Variants in KIF1A observed in about 807,000 individuals in gnomAD.
KIF1A encodes kinesin-like protein KIF1A.
Under a neutral mutation model 227.3 loss-of-function variants are expected in KIF1A, and 46 were observed. The observed-to-expected ratio is 0.20, with a 90% confidence interval of 0.16 to 0.26. The LOEUF (loss-of-function observed/expected upper bound fraction) is 0.26, where lower values mean the gene tolerates loss of function less well. Ranked by LOEUF, KIF1A falls within the 10% of genes least tolerant of loss-of-function variation. The probability of loss-of-function intolerance (pLI) is 1.00; values close to 1 mark genes in which losing one functional copy is unlikely to be tolerated. For synonymous variants in KIF1A, 1,022 were observed against 1,012.8 expected (o/e 1.01, Z -0.17); for missense variants, 1,683 against 2,485.9 (o/e 0.68, Z 6.87).
chr2:240,798,020 C>A, intron 1 of KIF1A: 1 of 377,164 alleles, frequency 2.7e-6, no homozygotes, highest in Non-Finnish European at 4.8e-6. Context: ...CCCAGCTTCG[C>A]AAGCCTGAGG....
chr2:240,766,749 T>TCTCTCTCTCTCTCACACACA lies in KIF1A; in HGVS notation c.1684+165_1684+166insTGTGTGTGAGAGAGAGAGAG, dbSNP rs1454271542. On this transcript the variant is annotated intron_variant, in intron 19 of 48. Transcript: ENST00000498729. This position sits in a 1 kb window ranked among gnomAD's most constrained non-coding sequence, Gnocchi z 5.0. ...CTCTCTCTCTCTCTCTCTCTCTCTC[T>TCTCTCTCTCTCTCACACACA]CACACACACACACACACACACACAC... 2.8e-5 allele frequency among the ~76,000 whole-genome samples: 3 copies of TCTCTCTCTCTCTCACACACA among 108,974 alleles called. No homozygotes were observed. The highest frequency in any genetic ancestry group is 3.2e-4 in the South Asian group (1 of 3,124). 71.5% of individuals were successfully genotyped at this position (108,974 alleles called of 152,430 possible). A position where few individuals can be genotyped will look rare whatever the true frequency, so the allele number is the denominator to read the frequency against.
At chr2:240,777,000 A>C (rs1313169251) in intron 10 of KIF1A, among the ~76,000 whole-genome samples, 1 of 152,180 alleles carries the variant, frequency 6.6e-6, no homozygotes, top group African/African-American at 2.4e-5. Context: ...TTGGAAACTT[A>C]GTAGGGACTA....
At chr2:240,753,825 C>A (rs1241870850) in intron 27 of KIF1A, among the ~76,000 whole-genome samples, 2 of 152,120 alleles carry the variant, frequency 1.3e-5, no homozygotes, top group African/African-American at 2.4e-5. Flanking sequence ...CAGAGGACGA[C>A]CCTGAGGCAA....
intron 1 of KIF1A, chr2:240,819,067 C>A (rs528353057): frequency 6.6e-6 from 1 of 152,332 alleles, no homozygotes; most frequent in Non-Finnish European, 1.5e-5. Context: ...CTCCCCCTCC[C>A]GCCCCTGCGG....
intron 38 of KIF1A, among the ~76,000 whole-genome samples, chr2:240,727,403 C>A (rs1368113445): frequency 6.6e-6 from 1 of 152,166 alleles, no homozygotes; most frequent in Non-Finnish European, 1.5e-5. Context: ...TGCGCGGGCC[C>A]ACCCCAGCCT....
chr2:240,720,742 C>G, intron 45 of KIF1A, 172 bp downstream of exon 45: 1 of 698,662 alleles, frequency 1.4e-6, no homozygotes. Context: ...CAGGCACCCT[C>G]TGAGAGGGCT....
intron 34 of KIF1A, among the ~76,000 whole-genome samples, chr2:240,741,685 G>A (rs994480682): frequency 2.0e-5 from 3 of 152,218 alleles, no homozygotes; most frequent in Non-Finnish European, 4.4e-5. Flanking sequence ...AGAACCAACA[G>A]GGCAGCCGCA....
rs2055500908 is a variant in KIF1A, at chr2:240,790,307, G to A, written c.107-995C>T. ...GGCCATTCCTGGTCAGGGAGCCCCC[G>A]GAGACCACCACCATCACATCAGCAA... On this transcript the variant is annotated intron_variant, in intron 2 of 48. Coordinates refer to ENST00000498729, the MANE Select transcript of KIF1A (RefSeq NM_001244008.2). This position sits in a 1 kb window ranked among gnomAD's most constrained non-coding sequence, Gnocchi z 5.0. 1.3e-5 allele frequency among the ~76,000 whole-genome samples: 2 copies of A among 152,084 alleles called. No individual in the cohort carries two copies. The highest frequency in any genetic ancestry group is 2.4e-5 in the African/African-American group (1 of 41,426).
At chr2:240,756,756 C>A (rs1195244025) in intron 27 of KIF1A, among the ~76,000 whole-genome samples, 2 of 152,234 alleles carry the variant, frequency 1.3e-5, no homozygotes, top group East Asian at 3.8e-4. Flanking sequence ...AGTTCAGCTC[C>A]TTTCCCCAAA....
In KIF1A at chr2:240,757,637, A is replaced by G. The variant is rs984077154; in HGVS notation, c.2583-43T>C. 5 of 1,532,414 alleles carry G rather than the reference A, an allele frequency of 3.3e-6. No homozygotes were observed. The highest frequency in any genetic ancestry group is 4.4e-6 in the Non-Finnish European group (5 of 1,136,470). 94.9% of individuals were successfully genotyped at this position (1,532,414 alleles called of 1,614,324 possible). On this transcript the variant is annotated intron_variant, in intron 26 of 48. Coordinates refer to ENST00000498729, the MANE Select transcript of KIF1A (RefSeq NM_001244008.2). This position sits in a 1 kb window ranked among gnomAD's most constrained non-coding sequence, Gnocchi z 6.2. ...AGACAGAGAGAAGTTAACACCAGCG[A>G]CTCGCAGGGACGAACAGGGGCCGGG... is the stretch of plus-strand genomic sequence containing the variant.
intron 38 of KIF1A, chr2:240,728,385 G>A (rs1304508413): frequency 7.7e-7 from 1 of 1,300,894 alleles, no homozygotes. Flanking sequence ...AAAGTGAGCT[G>A]TACCTAGTGT....
In KIF1A at chr2:240,769,432, G is replaced by A. The variant is rs556097563; in HGVS notation, c.1421+195C>T. The stretch of plus-strand genomic sequence containing the variant: ...TCAGGCCTCAGGTCTCTCAGGCCTT[G>A]GTGGCTAGCAGCCAGCAGTACACAA... On this transcript the variant is annotated intron_variant, in intron 16 of 48. Coordinates refer to ENST00000498729, the MANE Select transcript of KIF1A (RefSeq NM_001244008.2). Among the ~76,000 whole-genome samples the A allele has an allele frequency of 3.3e-5, 5 of 152,370 alleles. No individual in the cohort carries two copies. In the East Asian group the frequency reaches 5.8e-4, roughly 18 times the overall value.
Position 240,787,232 on chromosome 2 carries a change from G to T in KIF1A, c.429+19C>A. 1 of 1,607,198 alleles carries T rather than the reference G, an allele frequency of 6.2e-7. No individual in the cohort carries two copies. The highest frequency in any genetic ancestry group is 8.5e-7 in the Non-Finnish European group (1 of 1,174,654). ...TCCCAGCCCTGCCCCAGCGGCCAAC[G>T]GCAGGCGGGGAGCCCTACCTCCACG... is the stretch of plus-strand genomic sequence containing the variant. On this transcript the variant is annotated intron_variant, in intron 5 of 48. Coordinates refer to ENST00000498729, the MANE Select transcript of KIF1A (RefSeq NM_001244008.2).
chr2:240,717,443 A>G, intron 48 of KIF1A, 37 bp from the exon 49 acceptor site: 8 of 1,600,320 alleles, frequency 5.0e-6, no homozygotes, highest in Non-Finnish European at 6.0e-6. Context: ...TGGTCAGGCC[A>G]GGAACACCTG....
chr2:240,722,382 G>A, intron 43 of KIF1A, 74 bp downstream of exon 43: 2 of 1,422,858 alleles, frequency 1.4e-6, no homozygotes, highest in African/African-American at 1.4e-5. Flanking sequence ...CCGGGTTGCT[G>A]GAGTTGCCCA....
At chr2:240,765,636 G>A in intron 20 of KIF1A, 74 bp downstream of exon 20, 1 of 1,201,406 alleles carries the variant, frequency 8.3e-7, no homozygotes, top group South Asian at 1.3e-5. Context: ...GGAGGCGGTG[G>A]CTTGGACATG....
rs1446864013 is a variant in KIF1A, at chr2:240,793,483, A to G, written c.106+4164T>C. ...GGGTCCGCGTCCCCAGCCAGCCTCCAGCATCTGCAGAATGGCTGGGCAGGC... is the reference window on the plus strand; with the variant it reads ...GGGTCCGCGTCCCCAGCCAGCCTCCGGCATCTGCAGAATGGCTGGGCAGGC... On this transcript the variant is annotated intron_variant, in intron 2 of 48. Coordinates refer to ENST00000498729, the MANE Select transcript of KIF1A (RefSeq NM_001244008.2). This position sits in a 1 kb window ranked among gnomAD's most constrained non-coding sequence, Gnocchi z 4.8. Among the ~76,000 whole-genome samples the G allele has an allele frequency of 6.6e-6, 1 of 152,192 alleles. No homozygotes were observed. The highest frequency in any genetic ancestry group is 1.5e-5 in the Non-Finnish European group (1 of 68,026).
chr2:240,802,810 T>C (rs1237035417), intron 1 of KIF1A, among the ~76,000 whole-genome samples: 2 of 152,248 alleles, frequency 1.3e-5, no homozygotes, highest in East Asian at 1.9e-4. Context: ...TTTTTTATTT[T>C]GTAGGGATGG....
At chr2:240,761,778 T>C (rs2125897547) in intron 23 of KIF1A, among the ~76,000 whole-genome samples, 1 of 152,264 alleles carries the variant, frequency 6.6e-6, no homozygotes, top group East Asian at 1.9e-4. Flanking sequence ...CGAGCAGCCT[T>C]GTGAGTCAGG....
Sources: allele counts gnomAD v4.1 joint callset (sites outside exome capture counted in the v4.1 genomes callset), GRCh38; gene constraint gnomAD v4.1.1; non-coding constraint Gnocchi (gnomAD v3.1); transcripts MANE v1.5; gene names NCBI Gene and HGNC (gene_info 2026-07-23, HGNC 2026-07-21).